Variants in OXR1 observed in about 807,000 individuals in gnomAD.
OXR1 encodes the protein oxidation resistance protein 1.
In OXR1, 41 loss-of-function variants were observed where a neutral mutation model predicts 104.6. The ratio of observed to expected loss-of-function variants is 0.39; its 90% CI spans 0.31 to 0.51. The LOEUF is 0.51. OXR1 is among the 20% of genes least tolerant of loss of function. The pLI is 0.77. For missense variants in OXR1, 955 were observed against 1,031.9 expected (o/e 0.93, Z 1.02); for synonymous variants, 348 against 348.4 (o/e 1.00, Z 0.01).
At chr8:106,619,460 T>C (rs1821513526) in intron 3 of OXR1, among the ~76,000 whole-genome samples, 1 of 152,186 alleles carries the variant, frequency 6.6e-6, no homozygotes, top group South Asian at 2.1e-4. Context: ...TTATACAAAA[T>C]TATCAAGTGA....
intron 1 of OXR1, among the ~76,000 whole-genome samples, chr8:106,344,945 G>A (rs571029946): frequency 2.0e-5 from 3 of 152,206 alleles, no homozygotes; most frequent in South Asian, 2.1e-4. Flanking sequence ...GTCAAGTGTC[G>A]TCTTCTTAGT....
intron 2 of OXR1, 74 bp downstream of exon 2, chr8:106,359,710 C>T (rs1334827670): frequency 9.3e-7 from 1 of 1,071,654 alleles, no homozygotes; most frequent in Non-Finnish European, 1.4e-6. Context: ...GGGAGTCGTA[C>T]AGGCAGAACT....
intron 2 of OXR1, among the ~76,000 whole-genome samples, chr8:106,426,011 C>T (rs985646097): frequency 3.9e-5 from 6 of 152,122 alleles, no homozygotes; most frequent in African/African-American, 9.7e-5. Flanking sequence ...AAGTCAGAGA[C>T]AAAGTCAAGG....
intron 1 of OXR1, among the ~76,000 whole-genome samples, chr8:106,345,330 A>G (rs1218402337): frequency 1.3e-5 from 2 of 152,180 alleles, no homozygotes; most frequent in African/African-American, 4.8e-5. Flanking sequence ...GCTAGGAGGG[A>G]TGTGTTGGGC....
At chr8:106,278,559 G>C (rs543844582) in intron 1 of OXR1, among the ~76,000 whole-genome samples, 1 of 151,786 alleles carries the variant, frequency 6.6e-6, no homozygotes, top group South Asian at 2.1e-4. Flanking sequence ...TAGGGCTGTT[G>C]AATGCAGTCT....
intron 2 of OXR1, among the ~76,000 whole-genome samples, chr8:106,471,933 A>G (rs35883258): frequency 0.11 from 16,874 of 151,892 alleles, 1,193 homozygotes; most frequent in East Asian, 0.27. Flanking sequence ...CCATAGTTCA[A>G]TTATTGAAAT....
At chr8:106,384,964 C>T (rs1817312036) in intron 2 of OXR1, among the ~76,000 whole-genome samples, 1 of 152,134 alleles carries the variant, frequency 6.6e-6, no homozygotes, top group Admixed American at 6.5e-5. Context: ...ATTGGCCCAC[C>T]TCAGCCTCCC....
intron 2 of OXR1, among the ~76,000 whole-genome samples, chr8:106,461,244 C>A (rs1320167084): frequency 6.6e-6 from 1 of 152,100 alleles, no homozygotes; most frequent in African/African-American, 2.4e-5. Context: ...GGTGAGTTCT[C>A]TTTCCTTAGA....
At chr8:106,302,471 A>G (rs1813279355) in intron 1 of OXR1, among the ~76,000 whole-genome samples, 1 of 151,520 alleles carries the variant, frequency 6.6e-6, no homozygotes, top group African/African-American at 2.4e-5. Context: ...CTGTAGTCCC[A>G]GCTACTCGGG....
At chr8:106,531,868 T>C (rs1259787994) in intron 3 of OXR1, among the ~76,000 whole-genome samples, 1 of 152,134 alleles carries the variant, frequency 6.6e-6, no homozygotes. Context: ...AATAAACGTA[T>C]AGTGAGTGGG....
rs964160738 is a variant in OXR1 at position 106,752,667 on chromosome 8, C to G, written c.*1726C>G. ...AAAATAAGGTCATAGTGGCATATACCAAATAAAATCAAATACAGAAATACA... is the reference window on the plus strand; with the variant it reads ...AAAATAAGGTCATAGTGGCATATACGAAATAAAATCAAATACAGAAATACA... On this transcript the variant is annotated 3_prime_UTR_variant, in exon 17 of 17. Coordinates refer to ENST00000517566, the MANE Select transcript of OXR1 (RefSeq NM_001198533.2). The G allele has an allele frequency of 2.6e-5, 4 of 151,866 alleles. No individual in the cohort carries two copies. Among genetic ancestry groups the G allele is most frequent in the African/African-American group, 7.3e-5 (3 of 41,208 alleles). 9.4% of individuals were successfully genotyped at this position (151,866 alleles called of 1,614,324 possible). A position where few individuals can be genotyped will look rare whatever the true frequency, so the allele number is the denominator to read the frequency against.
At chr8:106,383,503 A>T (rs184512186) in intron 2 of OXR1, among the ~76,000 whole-genome samples, 1 of 152,320 alleles carries the variant, frequency 6.6e-6, no homozygotes, top group African/African-American at 2.4e-5. Flanking sequence ...GAAGAAATTG[A>T]TGCAATGCTC....
At chr8:106,295,398 T>G (rs1812950548) in intron 1 of OXR1, among the ~76,000 whole-genome samples, 1 of 152,186 alleles carries the variant, frequency 6.6e-6, no homozygotes, top group Non-Finnish European at 1.5e-5. Flanking sequence ...ATATACACTG[T>G]ATATATGTCT....
At chr8:106,429,275 G>A (rs923937522) in intron 2 of OXR1, among the ~76,000 whole-genome samples, 6 of 152,098 alleles carry the variant, frequency 3.9e-5, no homozygotes, top group Non-Finnish European at 5.9e-5. Flanking sequence ...AGTGGAGGAT[G>A]CCGGCCCAAG....
chr8:106,417,178 C>T (rs1401530837), intron 2 of OXR1, among the ~76,000 whole-genome samples: 4 of 152,052 alleles, frequency 2.6e-5, no homozygotes, highest in African/African-American at 9.7e-5. Context: ...TCTGAAAAAT[C>T]ACTATAATAG....
chr8:106,567,232 A>G (rs1253887164), intron 3 of OXR1, among the ~76,000 whole-genome samples: 1 of 152,178 alleles, frequency 6.6e-6, no homozygotes, highest in African/African-American at 2.4e-5. Flanking sequence ...TCTTTTATAC[A>G]TGCTTGCTGT....
At chr8:106,493,209 G>C (rs933064459) in intron 2 of OXR1, among the ~76,000 whole-genome samples, 5 of 152,130 alleles carry the variant, frequency 3.3e-5, no homozygotes, top group Non-Finnish European at 5.9e-5. Flanking sequence ...TTAGAGAAAA[G>C]CTATTTTAGC....
intron 3 of OXR1, among the ~76,000 whole-genome samples, chr8:106,609,006 C>A (rs1820609012): frequency 6.6e-6 from 1 of 152,150 alleles, no homozygotes; most frequent in Non-Finnish European, 1.5e-5. Flanking sequence ...GAACTTTGTT[C>A]CCCACTTATC....
chr8:106,645,944 T>C (rs1312511633), intron 3 of OXR1, among the ~76,000 whole-genome samples: 3 of 152,070 alleles, frequency 2.0e-5, no homozygotes, highest in Non-Finnish European at 4.4e-5. Flanking sequence ...TCATCTTGTA[T>C]TGACACAGCC....
Sources: gnomAD v4.1 joint callset for allele counts (sites outside exome capture counted in the v4.1 genomes callset) on GRCh38, gnomAD v4.1.1 for gene constraint, MANE v1.5 for transcripts, NCBI Gene and HGNC (gene_info 2026-07-23, HGNC 2026-07-21) for gene names.